ZNF776: variants seen among roughly 807,000 people sequenced by gnomAD.
ZNF776 encodes the protein zinc finger protein 776.
ZNF776 carries 4 observed loss-of-function variants against 7.0 expected under a neutral mutation model. That is an observed-to-expected ratio of 0.57 (90% CI 0.28 to 1.31). The LOEUF (loss-of-function observed/expected upper bound fraction) is 1.31, where lower values mean the gene tolerates loss of function less well. Ranked by LOEUF, ZNF776 falls within the 50% of genes most tolerant of loss-of-function variation. The probability of loss-of-function intolerance (pLI) is 0.10; values close to 1 mark genes in which losing one functional copy is unlikely to be tolerated. For missense variants in ZNF776, 555 were observed against 625.9 expected (o/e 0.89, Z 1.21); for synonymous variants, 212 against 213.7 (o/e 0.99, Z 0.07).
Position 57,754,537 on chromosome 19 carries a change from T to C in ZNF776, c.1407T>C (p.Phe469=), listed in dbSNP as rs1421686730. The C allele has an allele frequency of 6.2e-7, 1 of 1,614,172 alleles. No individual in the cohort carries two copies. The highest frequency in any genetic ancestry group is 2.2e-5 in the East Asian group (1 of 44,870). The part of the protein sequence containing the change: ...PHECGECGKC[F]HQKGSLIRHQ... ...AGTGTGGAGAATGTGGGAAATGTTT[T>C]CATCAAAAGGGCAGTCTCATTCGAC... The change falls in exon 3 of 3, where the codon TTT becomes TTC. Residue 469 remains phenylalanine, a synonymous_variant. Coordinates refer to ENST00000317178, the MANE Select transcript of ZNF776 (RefSeq NM_173632.4).
rs1262847072 is a variant in ZNF776 at position 57,756,700 on chromosome 19, T to C, written c.*2013T>C. 9.8e-6 allele frequency: 2 copies of C among 203,240 alleles called. No homozygotes were observed. The highest frequency in any genetic ancestry group is 4.7e-5 in the African/African-American group (2 of 42,352). 12.6% of individuals were successfully genotyped at this position (203,240 alleles called of 1,614,324 possible). A position where few individuals can be genotyped will look rare whatever the true frequency, so the allele number is the denominator to read the frequency against. On this transcript the variant is annotated 3_prime_UTR_variant, in exon 3 of 3. Coordinates refer to ENST00000317178, the MANE Select transcript of ZNF776 (RefSeq NM_173632.4). Reference sequence around the variant, plus strand: ...GGTGCTTCTGAGAACAGCACAAAATTATTCTCTTGTTTATAATGGATATTG... The same window carrying C: ...GGTGCTTCTGAGAACAGCACAAAATCATTCTCTTGTTTATAATGGATATTG...
chr19:57,749,776 C>A (rs1180740979), intron 1 of ZNF776, among the ~76,000 whole-genome samples: 3 of 152,172 alleles, frequency 2.0e-5, no homozygotes, highest in Non-Finnish European at 4.4e-5. Context: ...CAGTTGCATC[C>A]TCCTAAGGGA....
In ZNF776 at chr19:57,747,025, C is replaced by A; in HGVS notation, c.-34C>A. 1 of 1,561,684 alleles carries A rather than the reference C, an allele frequency of 6.4e-7. No homozygotes were observed. The highest frequency in any genetic ancestry group is 2.4e-5 in the East Asian group (1 of 41,612). On this transcript the variant is annotated 5_prime_UTR_variant, in exon 1 of 3. Coordinates refer to ENST00000317178, the MANE Select transcript of ZNF776 (RefSeq NM_173632.4). ...GCCCGGGTACCTGCACTGCTCGCCCCCTCCTTTCGACCCCGCTTTCCCCAC... is the reference window on the plus strand; with the variant it reads ...GCCCGGGTACCTGCACTGCTCGCCCACTCCTTTCGACCCCGCTTTCCCCAC...
chr19:57,750,640 G>T, intron 1 of ZNF776, 145 bp from the exon 2 acceptor site: 1 of 1,077,234 alleles, frequency 9.3e-7, no homozygotes, highest in South Asian at 1.9e-5. Flanking sequence ...TGTACACCAT[G>T]ACCAGTGAGC....
intron 1 of ZNF776, among the ~76,000 whole-genome samples, chr19:57,747,591 A>C (rs1986474976): frequency 6.6e-6 from 1 of 152,170 alleles, no homozygotes; most frequent in Non-Finnish European, 1.5e-5. Context: ...GACATTTTGT[A>C]CTGAGGCGCT....
At position 57,757,225 on chromosome 19, in the gene ZNF776, C is replaced by T. The variant is rs1445556078; in HGVS notation, c.*2538C>T. ...GATATACTTTTTTTAAAAAGGCATC[C>T]ACAATGATTCAGTCACTATGTCTGT... On this transcript the variant is annotated 3_prime_UTR_variant, in exon 3 of 3. Coordinates refer to ENST00000317178, the MANE Select transcript of ZNF776 (RefSeq NM_173632.4). 6.2e-6 allele frequency: 1 copy of T among 160,242 alleles called. No individual in the cohort carries two copies. The highest frequency in any genetic ancestry group is 1.4e-5 in the Non-Finnish European group (1 of 72,886). The allele number at this position is 160,242 out of a possible 1,614,324, so 9.9% of individuals were successfully genotyped here. A position where few individuals can be genotyped will look rare whatever the true frequency, so the allele number is the denominator to read the frequency against.
At chr19:57,751,316 T>C (rs1047991863) in intron 2 of ZNF776, among the ~76,000 whole-genome samples, 1 of 152,090 alleles carries the variant, frequency 6.6e-6, no homozygotes, top group Non-Finnish European at 1.5e-5. Context: ...ACATGCACCA[T>C]AGGTTGTTCT....
In ZNF776 at chr19:57,747,106, T is replaced by C; in HGVS notation, c.33+15T>C. On this transcript the variant is annotated intron_variant, in intron 1 of 2. Coordinates refer to ENST00000317178, the MANE Select transcript of ZNF776 (RefSeq NM_173632.4). ...CCCCGGCTCAGGTAATTGTGGCGTC[T>C]TCCGTGCCCTCAGGTCACCTCATCT... 6.3e-7 allele frequency: 1 copy of C among 1,584,652 alleles called. No homozygotes were observed.
chr19:57,747,239 C>A, intron 1 of ZNF776, 148 bp downstream of exon 1: 1 of 803,406 alleles, frequency 1.2e-6, no homozygotes, highest in Non-Finnish European at 1.9e-6. Flanking sequence ...GTTTTTGACA[C>A]CCGCGGGATG....
At chr19:57,751,958 G>A (rs1232372046) in intron 2 of ZNF776, among the ~76,000 whole-genome samples, 4 of 125,896 alleles carry the variant, frequency 3.2e-5, no homozygotes, top group South Asian at 5.5e-4. Context: ...TGCAACCTCC[G>A]CTTCCCAGGT....
In ZNF776 at chr19:57,746,932, AGG is replaced by A; in HGVS notation, c.-126_-125del. 1 of 931,226 alleles carries A rather than the reference AGG, an allele frequency of 1.1e-6. No homozygotes were observed. The highest frequency in any genetic ancestry group is 1.6e-6 in the Non-Finnish European group (1 of 628,846). 57.7% of individuals were successfully genotyped at this position (931,226 alleles called of 1,614,324 possible). ...ACGAGACGTTGTCCCGACTGCACAG[AGG>A]CTGCTCTGCAGCTCCTTAAAGGCGC... On this transcript the variant is annotated 5_prime_UTR_variant, in exon 1 of 3. Transcript: ENST00000317178.
At position 57,755,621 on chromosome 19, in the gene ZNF776, G is replaced by A. The variant is rs182798562; in HGVS notation, c.*934G>A. 6.6e-6 allele frequency: 1 copy of A among 152,330 alleles called. No individual in the cohort carries two copies. Among genetic ancestry groups the A allele is most frequent in the Non-Finnish European group, 1.5e-5 (1 of 68,040 alleles). 9.4% of individuals were successfully genotyped at this position (152,330 alleles called of 1,614,324 possible). A position where few individuals can be genotyped will look rare whatever the true frequency, so the allele number is the denominator to read the frequency against. Reference sequence around the variant, plus strand: ...TACTTCTTGTCCAGTGTAACTGTGGGAGAGAGCCCTTATGAGGACACCATC... The same window carrying A: ...TACTTCTTGTCCAGTGTAACTGTGGAAGAGAGCCCTTATGAGGACACCATC... On this transcript the variant is annotated 3_prime_UTR_variant, in exon 3 of 3. Transcript: ENST00000317178.
intron 2 of ZNF776, among the ~76,000 whole-genome samples, chr19:57,752,146 A>T (rs946135025): frequency 1.3e-5 from 2 of 152,074 alleles, no homozygotes; most frequent in East Asian, 3.9e-4. Context: ...CTGGGATTAC[A>T]GGCGTGAGCC....
intron 2 of ZNF776, among the ~76,000 whole-genome samples, chr19:57,751,868 G>GATTTT (rs1986613708): frequency 1.5e-5 from 1 of 67,506 alleles, no homozygotes; most frequent in African/African-American, 5.5e-5. Context: ...TTTTGGTTTT[G>GATTTT]TTTTTTTTTT....
chr19:57,753,055 G>T (rs1019149727), intron 2 of ZNF776, among the ~76,000 whole-genome samples: 1 of 152,228 alleles, frequency 6.6e-6, no homozygotes, highest in Non-Finnish European at 1.5e-5. Flanking sequence ...ATTACAGAAT[G>T]TAGGGGGCCA....
rs1986784316 is a variant in ZNF776 at position 57,756,624 on chromosome 19, T to C, written c.*1937T>C. ...TTTTAGATGAAATAGTGCAATAATATGTGTTTTCATAAATCAACCTGAGTA... is the reference window on the plus strand; with the variant it reads ...TTTTAGATGAAATAGTGCAATAATACGTGTTTTCATAAATCAACCTGAGTA... On this transcript the variant is annotated 3_prime_UTR_variant, in exon 3 of 3. Coordinates refer to ENST00000317178, the MANE Select transcript of ZNF776 (RefSeq NM_173632.4). 1 of 184,136 alleles carries C rather than the reference T, an allele frequency of 5.4e-6. No individual in the cohort carries two copies. The highest frequency in any genetic ancestry group is 1.2e-5 in the Non-Finnish European group (1 of 85,322). 11.4% of individuals were successfully genotyped at this position (184,136 alleles called of 1,614,324 possible). A position where few individuals can be genotyped will look rare whatever the true frequency, so the allele number is the denominator to read the frequency against.
rs1394202062 is a variant in ZNF776, at chr19:57,748,179, G to T, written c.33+1088G>T. ...ATCCAAGTGAGGGTTAACAGACTAA[G>T]ATTCATGGCTAAGGAGATGTGGCTG... On this transcript the variant is annotated intron_variant, in intron 1 of 2. Coordinates refer to ENST00000317178, the MANE Select transcript of ZNF776 (RefSeq NM_173632.4). Among the ~76,000 whole-genome samples the T allele has an allele frequency of 2.0e-5, 3 of 152,154 alleles. No individual in the cohort carries two copies. In the East Asian group the frequency reaches 5.8e-4, roughly 29 times the overall value.
At position 57,753,851 on chromosome 19, in the gene ZNF776, T is replaced by C. The variant is rs1414881633; in HGVS notation, c.721T>C (p.Ser241Pro). The change falls in exon 3 of 3, where the codon TCT (serine) becomes CCT (proline). Residue 241 changes from serine to proline, a missense_variant. Transcript: ENST00000317178. ...AGAAGGACCTTATGTATGCAGTGAT[T>C]CTGGGAAATTCACTAGCAAAAGTAA... ...PREGPYVCSDSGKFTSKSNSF... is the reference protein window; with the variant it reads ...PREGPYVCSDPGKFTSKSNSF... 1 of 1,614,212 alleles carries C rather than the reference T, an allele frequency of 6.2e-7. No individual in the cohort carries two copies. Among genetic ancestry groups the C allele is most frequent in the Admixed American group, 1.7e-5 (1 of 60,032 alleles).
intron 1 of ZNF776, among the ~76,000 whole-genome samples, chr19:57,747,851 T>C (rs1180913217): frequency 6.6e-6 from 1 of 151,916 alleles, no homozygotes; most frequent in African/African-American, 2.4e-5. Flanking sequence ...GTACCTTTTT[T>C]TTTTTTTTTT....
Sources: allele counts gnomAD v4.1 joint callset (sites outside exome capture counted in the v4.1 genomes callset), GRCh38; gene constraint gnomAD v4.1.1; transcripts MANE v1.5; gene names NCBI Gene and HGNC (gene_info 2026-07-23, HGNC 2026-07-21).